ZC3H18: variants seen among roughly 807,000 people sequenced by gnomAD.
The protein encoded by ZC3H18 is zinc finger CCCH domain-containing protein 18.
In ZC3H18, 8 loss-of-function variants were observed where a neutral mutation model predicts 106.1. The ratio of observed to expected loss-of-function variants is 0.08; its 90% confidence interval spans 0.04 to 0.14. ZC3H18 has a LOEUF of 0.14. ZC3H18 is among the 10% of genes least tolerant of loss of function. The pLI is 1.00. For synonymous variants in ZC3H18, 635 were observed against 522.1 expected, an observed-to-expected ratio of 1.22 and a Z score of -2.95; for missense variants, 1,318 against 1,278.4, an observed-to-expected ratio of 1.03 and a Z score of -0.47.
At chr16:88,619,304 T>C (rs1025816520) in intron 8 of ZC3H18, among the ~76,000 whole-genome samples, 1 of 152,188 alleles carries the variant, frequency 6.6e-6, no homozygotes. Context: ...AAAATGGTTA[T>C]CTGCATCCTG....
At chr16:88,621,874 C>T (rs1340330875) in intron 8 of ZC3H18, among the ~76,000 whole-genome samples, 1 of 152,180 alleles carries the variant, frequency 6.6e-6, no homozygotes, top group Non-Finnish European at 1.5e-5. Context: ...ATCCCTGTCC[C>T]TCCTAGAGCT....
chr16:88,612,250 A>G (rs1905312546), intron 8 of ZC3H18, among the ~76,000 whole-genome samples: 1 of 152,152 alleles, frequency 6.6e-6, no homozygotes, highest in South Asian at 2.1e-4. Context: ...TGTTTTTTAC[A>G]ACTTTATTGA....
rs374835614 is a variant in ZC3H18 at position 88,586,690 on chromosome 16, T to C, written c.688+6T>C. Reference sequence around the variant, plus strand: ...CTGCCGGTTCTTCATGAAAGGTAATTGTCTGCGTGTGAGGCCTTCTCGCAG... The same window carrying C: ...CTGCCGGTTCTTCATGAAAGGTAATCGTCTGCGTGTGAGGCCTTCTCGCAG... On this transcript the variant is annotated splice_donor_region_variant and intron_variant, in intron 3 of 17. Coordinates refer to ENST00000301011, the MANE Select transcript of ZC3H18 (RefSeq NM_144604.4). 1.7e-5 allele frequency: 27 copies of C among 1,613,756 alleles called. No homozygotes were observed. Among genetic ancestry groups the C allele is most frequent in the African/African-American group, 2.7e-5 (2 of 74,916 alleles).
At chr16:88,623,446 G>T in intron 10 of ZC3H18, 102 bp downstream of exon 10, 1 of 1,472,452 alleles carries the variant, frequency 6.8e-7, no homozygotes, top group East Asian at 2.3e-5. Context: ...TTGGGGTATT[G>T]AAGGTCCCTG....
In ZC3H18 at chr16:88,625,443, G is replaced by A; in HGVS notation, c.2108+176G>A. The A allele has an allele frequency of 5.6e-6, 4 of 720,532 alleles. No individual in the cohort carries two copies. The South Asian group carries it at 7.4e-5, about 13-fold the overall frequency. The allele number at this position is 720,532 out of a possible 1,614,324, so 44.6% of individuals were successfully genotyped here. A position where few individuals can be genotyped will look rare whatever the true frequency, so the allele number is the denominator to read the frequency against. ...GAAGCTTTGACACAGGAGAAAATGG[G>A]CCAGGACTCGTGATAGGAAGACCCC... On this transcript the variant is annotated intron_variant, in intron 13 of 17. Coordinates refer to ENST00000301011, the MANE Select transcript of ZC3H18 (RefSeq NM_144604.4).
chr16:88,586,704 GC>G lies in ZC3H18; in HGVS notation c.688+22del, dbSNP rs773706570. Reference sequence around the variant, plus strand: ...TGAAAGGTAATTGTCTGCGTGTGAGGCCTTCTCGCAGCCAGCTGGGGCCCCA... The same window carrying G: ...TGAAAGGTAATTGTCTGCGTGTGAGGCTTCTCGCAGCCAGCTGGGGCCCCA... On this transcript the variant is annotated intron_variant, in intron 3 of 17. Coordinates refer to ENST00000301011, the MANE Select transcript of ZC3H18 (RefSeq NM_144604.4). The G allele has an allele frequency of 2.3e-4, 378 of 1,609,454 alleles. 2 individuals carry two copies. In the East Asian group the frequency reaches 2.6e-3, roughly 11 times the overall value.
At chr16:88,596,068 G>C (rs1302486574) in intron 3 of ZC3H18, among the ~76,000 whole-genome samples, 1 of 152,152 alleles carries the variant, frequency 6.6e-6, no homozygotes, top group Non-Finnish European at 1.5e-5. Flanking sequence ...GGGCAGGACA[G>C]CGCTCAGCAC....
intron 6 of ZC3H18, among the ~76,000 whole-genome samples, chr16:88,607,589 C>T (rs1905074137): frequency 6.6e-6 from 1 of 152,092 alleles, no homozygotes; most frequent in Non-Finnish European, 1.5e-5. Context: ...TTGTATCAGG[C>T]GTCTCCCCAT....
At chr16:88,630,388 C>T (rs1205265047) in intron 16 of ZC3H18, 97 bp from the exon 17 acceptor site, 4 of 890,282 alleles carry the variant, frequency 4.5e-6, no homozygotes, top group Non-Finnish European at 7.1e-6. Flanking sequence ...TAAGCAGCCT[C>T]AGGCTTTAGA....
chr16:88,630,763 C>CCCT (rs1906629634), intron 17 of ZC3H18, among the ~76,000 whole-genome samples, 182 bp downstream of exon 17: 1 of 112,630 alleles, frequency 8.9e-6, no homozygotes, highest in African/African-American at 3.0e-5. Flanking sequence ...CCCACCCCCC[C>CCCT]CCACACACAC....
chr16:88,611,130 G>A (rs1214522637), intron 7 of ZC3H18, 138 bp from the exon 8 acceptor site: 24 of 678,034 alleles, frequency 3.5e-5, no homozygotes, highest in Middle Eastern at 2.6e-4. Context: ...AGCACTTGGC[G>A]TTTTGTGTGT....
intron 13 of ZC3H18, 82 bp downstream of exon 13, chr16:88,625,349 C>A: frequency 6.6e-7 from 1 of 1,514,888 alleles, no homozygotes; most frequent in Non-Finnish European, 9.0e-7. Context: ...GTGGGTTGGG[C>A]TGTCTCCCAC....
At chr16:88,628,179 C>A in intron 15 of ZC3H18, 60 bp downstream of exon 15, 3 of 1,575,138 alleles carry the variant, frequency 1.9e-6, no homozygotes, top group Non-Finnish European at 2.6e-6. Context: ...CCATCTGCTT[C>A]CTGAGACAGC....
Position 88,598,738 on chromosome 16 carries a change from G to T in ZC3H18, c.930+26G>T, listed in dbSNP as rs3764249. The T allele has an allele frequency of 5.2e-4, 825 of 1,588,670 alleles. 6 individuals are homozygous for T. In the East Asian group the frequency reaches 0.016, roughly 30 times the overall value. The stretch of plus-strand genomic sequence containing the variant: ...GTAAACACAATTCAGCAGAAATCCC[G>T]ACAAGAAAGATGCTATTACAGGAGT... On this transcript the variant is annotated intron_variant, in intron 5 of 17. Transcript: ENST00000301011.
chr16:88,580,570 C>G (rs1466878575), intron 2 of ZC3H18, among the ~76,000 whole-genome samples: 1 of 152,132 alleles, frequency 6.6e-6, no homozygotes, highest in Non-Finnish European at 1.5e-5. Flanking sequence ...AGGCCCAGTT[C>G]CAAGCCTGTC....
intron 3 of ZC3H18, among the ~76,000 whole-genome samples, chr16:88,594,199 C>G (rs551027125): frequency 4.7e-4 from 71 of 152,080 alleles, no homozygotes; most frequent in Middle Eastern, 3.4e-3. Context: ...TCAAGAGATT[C>G]GCAAAAAGGC....
Position 88,622,313 on chromosome 16 carries a change from T to C in ZC3H18, c.1592T>C (p.Val531Ala). Residue 531 changes from valine to alanine, a missense_variant, in exon 9 of 18, where the codon GTG becomes GCG. Val to Ala is a moderately conservative substitution (Grantham distance 64). Around this residue, in one of 6 missense-constraint regions of ZC3H18, gnomAD observed 848 missense variants for 821.7 expected, o/e 1.03. Transcript: ENST00000301011. ...AAGTCTCCCAAGAAGAAACTCGGGG[T>C]GTCGGTCTCCCCGAGCCGGGCTCGA... ...RSKSPKKKLG[V>A]SVSPSRARRR... 1 of 1,613,864 alleles carries C rather than the reference T, an allele frequency of 6.2e-7. No homozygotes were observed. The highest frequency in any genetic ancestry group is 8.5e-7 in the Non-Finnish European group (1 of 1,179,912).
In ZC3H18 at chr16:88,630,600, G is replaced by A. The variant is rs774392657; in HGVS notation, c.2663+19G>A. ...CTGACAGGTGAGTCCCACCCAGCAT[G>A]TGCCCTGGGCACACCGAGGGGGCCA... On this transcript the variant is annotated intron_variant, in intron 17 of 17. Coordinates refer to ENST00000301011, the MANE Select transcript of ZC3H18 (RefSeq NM_144604.4). The A allele has an allele frequency of 8.8e-6, 14 of 1,588,248 alleles. No individual in the cohort carries two copies. In the South Asian group the frequency reaches 1.4e-4, roughly 15 times the overall value.
chr16:88,627,203 G>A lies in ZC3H18; in HGVS notation c.2109-419G>A, dbSNP rs1278103024. 6.4e-6 allele frequency: 1 copy of A among 155,874 alleles called. No individual in the cohort carries two copies. Among genetic ancestry groups the A allele is most frequent in the Non-Finnish European group, 1.4e-5 (1 of 70,518 alleles). 9.7% of individuals were successfully genotyped at this position (155,874 alleles called of 1,614,324 possible). A position where few individuals can be genotyped will look rare whatever the true frequency, so the allele number is the denominator to read the frequency against. ...TTTTGCCTCAGCCTCCCCAGTAGCT[G>A]GGATTACAGGCGCCTGCGACCACGC... is the stretch of plus-strand genomic sequence containing the variant. On this transcript the variant is annotated intron_variant, in intron 13 of 17. Transcript: ENST00000301011. The surrounding 1 kb of genome is among the most constrained non-coding windows in gnomAD (Gnocchi z 4.5).
Sources: allele counts gnomAD v4.1 joint callset (sites outside exome capture counted in the v4.1 genomes callset), GRCh38; gene constraint gnomAD v4.1.1; regional missense constraint gnomAD v4.1.1; non-coding constraint Gnocchi (gnomAD v3.1); transcripts MANE v1.5; gene names NCBI Gene and HGNC (gene_info 2026-07-23, HGNC 2026-07-21).